PAFAH1B1: variants seen among roughly 807,000 people sequenced by gnomAD.
PAFAH1B1 encodes the protein platelet-activating factor acetylhydrolase IB subunit beta.
PAFAH1B1 carries 2 observed loss-of-function variants against 57.5 expected under a neutral mutation model. The ratio of observed to expected loss-of-function variants is 0.03; its 90% CI spans 0.01 to 0.11. The LOEUF (loss-of-function observed/expected upper bound fraction) is 0.11. PAFAH1B1 is among the 10% of genes least tolerant of loss of function. The probability of loss-of-function intolerance (pLI) is 1.00; values close to 1 mark genes in which losing one functional copy is unlikely to be tolerated. For missense variants in PAFAH1B1, 257 were observed against 512.0 expected (o/e 0.50, Z 4.81); for synonymous variants, 152 against 169.6 (o/e 0.90, Z 0.81).
intron 1 of PAFAH1B1, among the ~76,000 whole-genome samples, chr17:2,637,451 G>A (rs940100294): frequency 6.6e-6 from 1 of 152,110 alleles, no homozygotes; most frequent in Non-Finnish European, 1.5e-5. Flanking sequence ...GGGCATGGTG[G>A]TGTGTGCCTG....
intron 9 of PAFAH1B1, among the ~76,000 whole-genome samples, chr17:2,678,912 G>T (rs1352956637): frequency 1.3e-5 from 2 of 152,144 alleles, no homozygotes; most frequent in Non-Finnish European, 2.9e-5. Context: ...TTGCAGTGCT[G>T]TGCTATAACT....
chr17:2,599,064 T>C (rs192014689), intron 1 of PAFAH1B1, among the ~76,000 whole-genome samples: 57 of 152,368 alleles, frequency 3.7e-4, no homozygotes, highest in Non-Finnish European at 6.6e-4. Context: ...ATAGGACTAA[T>C]CTGCATTTGT....
intron 2 of PAFAH1B1, among the ~76,000 whole-genome samples, chr17:2,651,781 C>G (rs960953015): frequency 1.3e-5 from 2 of 152,036 alleles, no homozygotes; most frequent in African/African-American, 2.4e-5. Context: ...TCCCCAGTTT[C>G]CCCTACTGTT....
intron 4 of PAFAH1B1, 143 bp from the exon 5 acceptor site, chr17:2,666,849 A>G (rs578199685): frequency 1.6e-6 from 1 of 625,374 alleles, no homozygotes; most frequent in African/African-American, 1.8e-5. Flanking sequence ...ATTTTCATTT[A>G]AATTTGACAA....
intron 1 of PAFAH1B1, among the ~76,000 whole-genome samples, chr17:2,616,239 A>T (rs1405805238): frequency 6.6e-6 from 1 of 152,150 alleles, no homozygotes; most frequent in Non-Finnish European, 1.5e-5. Flanking sequence ...TTAGTGACAG[A>T]CTAAGCTTAT....
chr17:2,596,215 C>G (rs986272984), intron 1 of PAFAH1B1, among the ~76,000 whole-genome samples: 2 of 152,078 alleles, frequency 1.3e-5, no homozygotes, highest in African/African-American at 4.8e-5. Context: ...TACACACACA[C>G]ATATATCTAC....
chr17:2,631,363 A>T (rs1222702031), intron 1 of PAFAH1B1, among the ~76,000 whole-genome samples: 1 of 152,000 alleles, frequency 6.6e-6, no homozygotes, highest in East Asian at 1.9e-4. Context: ...CCGGATTCGC[A>T]CCCTCCCCTG....
chr17:2,620,337 A>T (rs2068403393), intron 1 of PAFAH1B1, among the ~76,000 whole-genome samples: 2 of 152,166 alleles, frequency 1.3e-5, no homozygotes, highest in Admixed American at 1.3e-4. Context: ...TAAACATCAG[A>T]TTCCTATCTA....
chr17:2,627,513 G>A (rs1297520800), intron 1 of PAFAH1B1, among the ~76,000 whole-genome samples: 8 of 152,084 alleles, frequency 5.3e-5, no homozygotes, highest in Non-Finnish European at 1.0e-4. Context: ...TAGTTTGAAA[G>A]CAGATAGTGT....
intron 1 of PAFAH1B1, among the ~76,000 whole-genome samples, chr17:2,596,885 C>A (rs1310327622): frequency 2.0e-5 from 3 of 151,936 alleles, no homozygotes; most frequent in Non-Finnish European, 2.9e-5. Context: ...ATGGTGAAAC[C>A]CCGTCTCTAC....
chr17:2,619,961 T>G (rs2068397717), intron 1 of PAFAH1B1, among the ~76,000 whole-genome samples: 1 of 152,048 alleles, frequency 6.6e-6, no homozygotes. Flanking sequence ...ATTTTTTTAT[T>G]ATTATTCTTT....
intron 8 of PAFAH1B1, among the ~76,000 whole-genome samples, chr17:2,674,708 A>G (rs2069235442): frequency 6.6e-6 from 1 of 152,216 alleles, no homozygotes; most frequent in African/African-American, 2.4e-5. Context: ...TCCAGATGTG[A>G]TAGTATAAAT....
intron 3 of PAFAH1B1, among the ~76,000 whole-genome samples, 171 bp from the exon 4 acceptor site, chr17:2,665,845 A>G (rs1597568297): frequency 6.6e-6 from 1 of 151,914 alleles, no homozygotes; most frequent in South Asian, 2.1e-4. Context: ...CAGGTGATCC[A>G]CCCGCCTTAG....
At chr17:2,606,752 C>A (rs1249574928) in intron 1 of PAFAH1B1, among the ~76,000 whole-genome samples, 1 of 150,708 alleles carries the variant, frequency 6.6e-6, no homozygotes, top group African/African-American at 2.5e-5. Flanking sequence ...AACAGAATAG[C>A]CATATAAGTA....
At chr17:2,616,720 A>G (rs2068345983) in intron 1 of PAFAH1B1, among the ~76,000 whole-genome samples, 1 of 152,192 alleles carries the variant, frequency 6.6e-6, no homozygotes, top group Non-Finnish European at 1.5e-5. Context: ...AACCATCACA[A>G]GACTGTAATA....
At chr17:2,659,053 C>A (rs533570026) in intron 2 of PAFAH1B1, among the ~76,000 whole-genome samples, 2 of 151,786 alleles carry the variant, frequency 1.3e-5, no homozygotes, top group South Asian at 4.2e-4. Context: ...GAATTCAAGA[C>A]CACCCTGGCC....
At chr17:2,605,099 G>A (rs566281927) in intron 1 of PAFAH1B1, among the ~76,000 whole-genome samples, 7 of 152,326 alleles carry the variant, frequency 4.6e-5, no homozygotes, top group African/African-American at 1.7e-4. Context: ...AATGAATGTG[G>A]ATTTTGGAGG....
chr17:2,631,795 T>C (rs2068558905), intron 1 of PAFAH1B1, among the ~76,000 whole-genome samples: 1 of 152,198 alleles, frequency 6.6e-6, no homozygotes, highest in African/African-American at 2.4e-5. Context: ...GGAGCTAAAA[T>C]TCACAGTGCA....
chr17:2,659,200 G>A (rs979968917), intron 2 of PAFAH1B1, among the ~76,000 whole-genome samples: 3 of 150,508 alleles, frequency 2.0e-5, no homozygotes, highest in South Asian at 4.2e-4. Context: ...GCAGTGAGCC[G>A]AGATTGCCAC....
Sources: allele counts gnomAD v4.1 joint callset (sites outside exome capture counted in the v4.1 genomes callset), GRCh38; gene constraint gnomAD v4.1.1; transcripts MANE v1.5; gene names NCBI Gene and HGNC (gene_info 2026-07-23, HGNC 2026-07-21).